INSL6: variants seen among roughly 807,000 people sequenced by gnomAD.
The protein encoded by INSL6 is insulin like 6, also known as insulin-like peptide INSL6.
INSL6 carries 16 observed loss-of-function variants against 9.4 expected under a neutral mutation model. The observed-to-expected ratio is 1.70, with a 90% CI of 1.15 to 2.59. INSL6 has a LOEUF of 2.59. INSL6 is among the 30% of genes most tolerant of loss of function. INSL6 has a pLI of 0.00. For synonymous variants in INSL6, 154 were observed against 96.9 expected, an observed-to-expected ratio of 1.59 and a Z score of -3.46; for missense variants, 391 against 257.3, an observed-to-expected ratio of 1.52 and a Z score of -3.56.
chr9:5,043,872 T>C, the INSL6 span, among the ~76,000 whole-genome samples: 6 of 152,218 alleles, frequency 3.9e-5, no homozygotes, highest in Non-Finnish European at 2.9e-5. Context: ...TAAAATTAGA[T>C]TGTGATATTT....
At chr9:5,115,006 T>TGGGCAA in the INSL6 span, among the ~76,000 whole-genome samples, 1 of 152,134 alleles carries the variant, frequency 6.6e-6, no homozygotes. Context: ...GACATAGGCA[T>TGGGCAA]GGGCAAGGAC....
intron 2 of INSL6, among the ~76,000 whole-genome samples, chr9:5,154,887 C>A (rs1824786402): frequency 6.6e-6 from 1 of 152,100 alleles, no homozygotes; most frequent in Non-Finnish European, 1.5e-5. Context: ...GGACTGTAAA[C>A]TAGTTCAACC....
chr9:5,041,455 GCAGGGGCTCAAGGCTGA>G, the INSL6 span: 3 of 613,202 alleles, frequency 4.9e-6, no homozygotes, highest in East Asian at 1.1e-4. Context: ...GCCTCCCCTG[GCAGGGGCTCAAGGCTGA>G]CACGATCATG....
chr9:5,178,851 C>CA (rs1825379719), intron 1 of INSL6, among the ~76,000 whole-genome samples: 3 of 152,080 alleles, frequency 2.0e-5, no homozygotes, highest in South Asian at 4.1e-4. Flanking sequence ...ACACTCTACA[C>CA]AAAAATTAAC....
At chr9:5,110,890 G>C in the INSL6 span, 1 of 536,408 alleles carries the variant, frequency 1.9e-6, no homozygotes, top group Non-Finnish European at 3.6e-6. Context: ...CCATGTCTGA[G>C]ATGCCCGCTC....
At chr9:5,073,850 T>C in the INSL6 span, 4 of 1,072,854 alleles carry the variant, frequency 3.7e-6, no homozygotes, top group Non-Finnish European at 5.6e-6. Context: ...ATATAGAAAA[T>C]TCAGTTTCAG....
chr9:5,135,063 C>T (rs571950894), intron 2 of INSL6, among the ~76,000 whole-genome samples: 2 of 152,158 alleles, frequency 1.3e-5, no homozygotes, highest in East Asian at 3.9e-4. Context: ...AGACTTTAAA[C>T]CAACGAAGAT....
chr9:5,026,033 C>A, the INSL6 span, among the ~76,000 whole-genome samples: 9 of 152,090 alleles, frequency 5.9e-5, no homozygotes, highest in Non-Finnish European at 1.0e-4. Context: ...TTATCCTTGA[C>A]AAAGATCTAT....
intron 2 of INSL6, among the ~76,000 whole-genome samples, chr9:5,135,496 C>T (rs746241089): frequency 6.6e-6 from 1 of 152,134 alleles, no homozygotes; most frequent in South Asian, 2.1e-4. Flanking sequence ...TACATGGAAA[C>T]TGAACAACCT....
At chr9:5,144,711 C>T (rs1586860776) in intron 2 of INSL6, among the ~76,000 whole-genome samples, 2 of 151,838 alleles carry the variant, frequency 1.3e-5, no homozygotes, top group Non-Finnish European at 2.9e-5. Context: ...TGAATTGAAC[C>T]CTTTACCATT....
At chr9:5,126,508 T>C (rs2130865367) in intron 3 of INSL6, 1 of 1,142,316 alleles carries the variant, frequency 8.8e-7, no homozygotes, top group Middle Eastern at 2.0e-4. Context: ...ACTCAAGGAC[T>C]TCAGTTCACT....
chr9:5,030,979 A>G, the INSL6 span, among the ~76,000 whole-genome samples: 14 of 152,296 alleles, frequency 9.2e-5, no homozygotes, highest in African/African-American at 3.4e-4. Flanking sequence ...GATAAAGAAG[A>G]TCCTATGCAG....
At chr9:5,119,747 A>G (rs1009101716), downstream of INSL6, among the ~76,000 whole-genome samples, 2 of 152,178 alleles carry the variant, frequency 1.3e-5, no homozygotes, top group Non-Finnish European at 2.9e-5. Context: ...TTGTATGAAA[A>G]TCAGAAATAA....
chr9:5,107,712 C>G, the INSL6 span, among the ~76,000 whole-genome samples: 26 of 152,192 alleles, frequency 1.7e-4, no homozygotes, highest in South Asian at 5.2e-3. Context: ...TCAAACCCAC[C>G]TAATATCATC....
At chr9:5,077,165 C>T in the INSL6 span, among the ~76,000 whole-genome samples, 2 of 150,696 alleles carry the variant, frequency 1.3e-5, no homozygotes. Flanking sequence ...AAAAACCAGC[C>T]ATAATTCAGT....
At chr9:5,076,282 G>C in the INSL6 span, among the ~76,000 whole-genome samples, 1 of 152,124 alleles carries the variant, frequency 6.6e-6, no homozygotes, top group African/African-American at 2.4e-5. Context: ...TTCTACTGTG[G>C]GTAGAAGGCT....
chr9:5,161,716 A>G (rs1310015290), downstream of INSL6, among the ~76,000 whole-genome samples: 1 of 152,180 alleles, frequency 6.6e-6, no homozygotes, highest in African/African-American at 2.4e-5. Flanking sequence ...AATGATTAGA[A>G]CTCATAAACA....
chr9:5,073,366 T>A, the INSL6 span, among the ~76,000 whole-genome samples: 1 of 152,228 alleles, frequency 6.6e-6, no homozygotes, highest in African/African-American at 2.4e-5. Flanking sequence ...CAGTTTCCTA[T>A]ATCTATCTCT....
the INSL6 span, among the ~76,000 whole-genome samples, chr9:5,052,650 C>G: frequency 4.6e-5 from 7 of 152,032 alleles, no homozygotes; most frequent in Non-Finnish European, 8.8e-5. Flanking sequence ...AGTCCTCATC[C>G]CACTTTCCCC....
Sources: allele counts gnomAD v4.1 joint callset (sites outside exome capture counted in the v4.1 genomes callset), GRCh38; gene constraint gnomAD v4.1.1; transcripts MANE v1.5; gene names NCBI Gene and HGNC (gene_info 2026-07-23, HGNC 2026-07-21).